SPON1: variants seen among roughly 807,000 people sequenced by gnomAD.
The protein encoded by SPON1 is spondin 1.
A neutral mutation model predicts 111.7 loss-of-function variants in SPON1; 52 were observed. The ratio of observed to expected loss-of-function variants is 0.47; its 90% CI spans 0.37 to 0.59. SPON1 has a LOEUF of 0.59. SPON1 is among the 20% of genes least tolerant of loss of function. The pLI, the probability that SPON1 is intolerant of heterozygous loss-of-function variation, is 0.00. For synonymous variants in SPON1, 410 were observed against 395.8 expected, an observed-to-expected ratio of 1.04 and a Z score of -0.43; for missense variants, 957 against 1,068.5, an observed-to-expected ratio of 0.90 and a Z score of 1.46.
In SPON1 at chr11:14,267,947, A is replaced by G. The variant is rs1411105437; in HGVS notation, c.*2260A>G. On this transcript the variant is annotated 3_prime_UTR_variant, in exon 16 of 16. Transcript: ENST00000576479. Reference sequence around the variant, plus strand: ...CCAAACCAGCTGTGATCCAATTTACATCCACATTTTAGGTCCAACAGCAAG... The same window carrying G: ...CCAAACCAGCTGTGATCCAATTTACGTCCACATTTTAGGTCCAACAGCAAG... 4 of 152,158 alleles carry G rather than the reference A, an allele frequency of 2.6e-5. No individual in the cohort carries two copies. Among genetic ancestry groups the G allele is most frequent in the Non-Finnish European group, 5.9e-5 (4 of 68,030 alleles). 9.4% of individuals were successfully genotyped at this position (152,158 alleles called of 1,614,324 possible).
At chr11:14,029,568 C>T (rs1421167620) in intron 2 of SPON1, among the ~76,000 whole-genome samples, 3 of 152,086 alleles carry the variant, frequency 2.0e-5, no homozygotes, top group Non-Finnish European at 4.4e-5. Flanking sequence ...TCAGGTTTCC[C>T]GCCTCACACG....
chr11:14,172,437 T>C (rs1436107927), intron 6 of SPON1, among the ~76,000 whole-genome samples: 3 of 151,848 alleles, frequency 2.0e-5, no homozygotes, highest in African/African-American at 7.2e-5. Flanking sequence ...GGGTCTTGAC[T>C]CTTTATCCAA....
chr11:14,060,400 G>T (rs1253863074), intron 3 of SPON1, among the ~76,000 whole-genome samples: 1 of 152,170 alleles, frequency 6.6e-6, no homozygotes, highest in African/African-American at 2.4e-5. Context: ...GAAGGGTATG[G>T]GTTGTGGAGT....
chr11:14,164,475 T>C (rs11023121), intron 6 of SPON1, among the ~76,000 whole-genome samples: 29,604 of 152,132 alleles, frequency 0.19, 2,985 homozygotes, highest in Admixed American at 0.25. Flanking sequence ...AGAGGGAGCA[T>C]GCCCCTCTTT....
At position 14,007,475 on chromosome 11, in the gene SPON1, C is replaced by T. The variant is rs961853633; in HGVS notation, c.345+24522C>T. ...GGCCAGTCTCTCCTTTTCACATTTT[C>T]TGCCTGCTTTATATTCATTGACAGC... On this transcript the variant is annotated intron_variant, in intron 2 of 15. Coordinates refer to ENST00000576479, the MANE Select transcript of SPON1 (RefSeq NM_006108.4). Among the ~76,000 whole-genome samples the T allele has an allele frequency of 2.6e-5, 4 of 152,192 alleles. No individual in the cohort carries two copies. The East Asian group carries it at 7.7e-4, about 29-fold the overall frequency.
chr11:14,183,453 G>T (rs1431922783), intron 6 of SPON1, among the ~76,000 whole-genome samples: 2 of 152,204 alleles, frequency 1.3e-5, no homozygotes, highest in African/African-American at 4.8e-5. Flanking sequence ...CACAATGTCT[G>T]GTTAATATGC....
chr11:13,980,540 T>A (rs1424451599), intron 1 of SPON1, among the ~76,000 whole-genome samples: 1 of 152,056 alleles, frequency 6.6e-6, no homozygotes, highest in Non-Finnish European at 1.5e-5. Context: ...TTAGGGTACT[T>A]CTTTTTATTA....
At chr11:14,187,420 C>T (rs1373195142) in intron 6 of SPON1, among the ~76,000 whole-genome samples, 1 of 152,120 alleles carries the variant, frequency 6.6e-6, no homozygotes, top group African/African-American at 2.4e-5. Context: ...CCTCTTATTG[C>T]CTTGGCCCAC....
chr11:14,202,235 C>T (rs1392386129), intron 6 of SPON1, among the ~76,000 whole-genome samples: 4 of 152,178 alleles, frequency 2.6e-5, no homozygotes, highest in African/African-American at 9.7e-5. Context: ...GCAAGAGTAA[C>T]AGTAGCTGAG....
At chr11:14,057,829 T>TAAAAAAAAAAAAAA (rs1186059430) in intron 3 of SPON1, among the ~76,000 whole-genome samples, 1 of 47,864 alleles carries the variant, frequency 2.1e-5, no homozygotes, top group Non-Finnish European at 5.7e-5. Context: ...ACCTTGTCTC[T>TAAAAAAAAAAAAAA]ACAAAAAAAA....
intron 6 of SPON1, among the ~76,000 whole-genome samples, chr11:14,209,628 A>T (rs1240377844): frequency 6.6e-6 from 1 of 152,156 alleles, no homozygotes; most frequent in Non-Finnish European, 1.5e-5. Context: ...TCCATGGTGT[A>T]TATGTGCCAC....
intron 2 of SPON1, among the ~76,000 whole-genome samples, chr11:14,001,175 T>A (rs1554912399): frequency 6.6e-6 from 1 of 152,122 alleles, no homozygotes; most frequent in African/African-American, 2.4e-5. Flanking sequence ...CAGGAGCTGC[T>A]GGAAACAGTA....
chr11:13,974,757 C>T (rs1029645365), intron 1 of SPON1, among the ~76,000 whole-genome samples: 5 of 152,184 alleles, frequency 3.3e-5, no homozygotes, highest in Admixed American at 1.3e-4. Context: ...AATGTCCTAG[C>T]GCAAGCCCTT....
At chr11:14,124,439 T>C (rs1847432646) in intron 5 of SPON1, among the ~76,000 whole-genome samples, 1 of 152,230 alleles carries the variant, frequency 6.6e-6, no homozygotes, top group Non-Finnish European at 1.5e-5. Flanking sequence ...CATTCTGTGT[T>C]TGCCTTTATC....
chr11:14,104,207 T>A (rs12277302), intron 5 of SPON1, among the ~76,000 whole-genome samples: 1 of 151,760 alleles, frequency 6.6e-6, no homozygotes, highest in African/African-American at 2.4e-5. Flanking sequence ...TGGAAGCATT[T>A]TTTTCGTTTT....
chr11:14,255,347 T>C (rs1421804456), intron 8 of SPON1, among the ~76,000 whole-genome samples: 1 of 152,204 alleles, frequency 6.6e-6, no homozygotes, highest in African/African-American at 2.4e-5. Context: ...CCGGGTCTAT[T>C]AGAAAGAGTT....
chr11:13,967,539 G>GA (rs57095669), intron 1 of SPON1, among the ~76,000 whole-genome samples: 19 of 142,134 alleles, frequency 1.3e-4, no homozygotes, highest in Middle Eastern at 3.7e-3. Flanking sequence ...AACCCAGAAA[G>GA]AAAAAAAAAA....
chr11:14,263,052 TTAA>T, intron 15 of SPON1, 77 bp downstream of exon 15: 4 of 1,252,714 alleles, frequency 3.2e-6, no homozygotes, highest in Non-Finnish European at 4.2e-6. Flanking sequence ...TTGGACCTGT[TTAA>T]AAAAAAAAAA....
At chr11:14,165,502 C>T (rs535420740) in intron 6 of SPON1, among the ~76,000 whole-genome samples, 1 of 152,150 alleles carries the variant, frequency 6.6e-6, no homozygotes, top group Non-Finnish European at 1.5e-5. Context: ...AACATTAGTA[C>T]TCTCATCTAT....
Sources: allele counts gnomAD v4.1 joint callset (sites outside exome capture counted in the v4.1 genomes callset), GRCh38; gene constraint gnomAD v4.1.1; transcripts MANE v1.5; gene names NCBI Gene and HGNC (gene_info 2026-07-23, HGNC 2026-07-21).